Variants in ZNF718 observed in about 807,000 individuals in gnomAD.
ZNF718 encodes zinc finger protein 718.
In ZNF718, 3 loss-of-function variants were observed where a neutral mutation model predicts 2.6. The ratio of observed to expected loss-of-function variants is 1.16; its 90% CI spans 0.53 to 3.01. ZNF718 has a LOEUF of 3.01. Ranked by LOEUF, ZNF718 falls within the 30% of genes most tolerant of loss-of-function variation. The pLI is 0.03. For missense variants in ZNF718, 468 were observed against 230.0 expected, an observed-to-expected ratio of 2.03 and a Z score of -6.69; for synonymous variants, 135 against 77.9, an observed-to-expected ratio of 1.73 and a Z score of -3.86.
chr4:150,061 C>T lies in ZNF718; in HGVS notation c.227-10851C>T, dbSNP rs377040910. 7.9e-5 allele frequency: 12 copies of T among 152,040 alleles called. No homozygotes were observed. The East Asian group carries it at 9.6e-4, about 12-fold the overall frequency. The allele number at this position is 152,040 out of a possible 1,614,324, so 9.4% of individuals were successfully genotyped here. A position where few individuals can be genotyped will look rare whatever the true frequency, so the allele number is the denominator to read the frequency against. Reference sequence around the variant, plus strand: ...CTCCTGAAGAACACCATTTGACTTACTGTTTTTATAATTTTGACTAATTTT... The same window carrying T: ...CTCCTGAAGAACACCATTTGACTTATTGTTTTTATAATTTTGACTAATTTT... On this transcript the variant is annotated intron_variant, in intron 3 of 3. Transcript: ENST00000510175.
chr4:180,119 G>A (rs1717434739), intron 3 of ZNF718, among the ~76,000 whole-genome samples: 1 of 152,152 alleles, frequency 6.6e-6, no homozygotes, highest in Admixed American at 6.5e-5. Flanking sequence ...GCTATACAAG[G>A]CCCAAGCCAG....
chr4:147,616 C>G (rs1292549815), intron 3 of ZNF718, among the ~76,000 whole-genome samples: 1 of 152,162 alleles, frequency 6.6e-6, no homozygotes, highest in African/African-American at 2.4e-5. Context: ...AAAATCCCAG[C>G]ACTTTGGGAG....
chr4:192,186 C>T lies in ZNF718; in HGVS notation c.227-8895C>T, dbSNP rs534276001. Among the ~76,000 whole-genome samples the T allele has an allele frequency of 1.3e-4, 20 of 152,128 alleles. No individual in the cohort carries two copies. In the South Asian group the frequency reaches 3.5e-3, roughly 27 times the overall value. On this transcript the variant is annotated intron_variant and NMD_transcript_variant, in intron 3 of 4. Coordinates refer to the ZNF718 transcript ENST00000642529. ...GTGGATGGCAAGCGATAGCTCAGCT[C>T]GAGCCGGAACAAACGCAGACCAGAA...
intron 3 of ZNF718, among the ~76,000 whole-genome samples, chr4:176,283 A>C (rs782240115): frequency 3.9e-5 from 6 of 152,126 alleles, no homozygotes; most frequent in Admixed American, 6.5e-5. Context: ...ACTTAGTTTC[A>C]CTTACCATTG....
At chr4:174,137 T>C (rs1717301375) in intron 3 of ZNF718, among the ~76,000 whole-genome samples, 1 of 152,138 alleles carries the variant, frequency 6.6e-6, no homozygotes, top group African/African-American at 2.4e-5. Flanking sequence ...TGCCCTAGGG[T>C]AAGGACAGCT....
In ZNF718 at chr4:184,192, A is replaced by G. The variant is rs563367123; in HGVS notation, c.227-16889A>G. Among the ~76,000 whole-genome samples the G allele has an allele frequency of 7.2e-5, 11 of 152,190 alleles. No individual in the cohort carries two copies. The East Asian group carries it at 2.1e-3, about 29-fold the overall frequency. On this transcript the variant is annotated intron_variant and NMD_transcript_variant, in intron 3 of 4. Coordinates refer to the ZNF718 transcript ENST00000642529. ...TTTGAGGTACATTCCTTCAATACTT[A>G]GTTTATTGAGAGTTTTTAACATGAA...
At chr4:155,879 C>T (rs1716546170) in intron 3 of ZNF718, among the ~76,000 whole-genome samples, 2 of 152,132 alleles carry the variant, frequency 1.3e-5, no homozygotes, top group African/African-American at 4.8e-5. Flanking sequence ...TTATAGCTCC[C>T]ATAATTCCCA....
chr4:181,868 A>C (rs1166491814), intron 3 of ZNF718, among the ~76,000 whole-genome samples: 1 of 152,062 alleles, frequency 6.6e-6, no homozygotes, highest in Non-Finnish European at 1.5e-5. Flanking sequence ...CCATGTGTAC[A>C]TGTGTTCTCA....
At chr4:187,384 G>A (rs1379971775) in intron 3 of ZNF718, among the ~76,000 whole-genome samples, 4 of 151,832 alleles carry the variant, frequency 2.6e-5, no homozygotes, top group South Asian at 2.1e-4. Context: ...GCACCACCAC[G>A]CCCAGCTAAT....
chr4:146,961 GTTTTTA>G (rs1553811498), intron 3 of ZNF718, among the ~76,000 whole-genome samples: 1 of 151,942 alleles, frequency 6.6e-6, no homozygotes, highest in Non-Finnish European at 1.5e-5. Context: ...ATCTTACTGA[GTTTTTA>G]TTTTTATTTT....
rs1716798691 is a variant in ZNF718 at position 160,974 on chromosome 4, A to C, written c.289A>C (p.Lys97Gln). ...GCAGGGCATAGAAGATTCATTCCAC[A>C]AACTTATACCAAAAGGACATGAGAA... ...TVQGIEDSFH[K>Q]LIPKGHEKRG... Residue 97 changes from lysine to glutamine, a missense_variant, in exon 4 of 4, where the codon AAA becomes CAA. Physicochemically the swap from Lys to Gln is moderately conservative, Grantham distance 53 (BLOSUM62 1). Coordinates refer to ENST00000510175, the MANE Select transcript of ZNF718 (RefSeq NM_001039127.6). 3 of 780,884 alleles carry C rather than the reference A, an allele frequency of 3.8e-6. No individual in the cohort carries two copies. The highest frequency in any genetic ancestry group is 7.2e-6 in the Non-Finnish European group (3 of 418,108). The allele number at this position is 780,884 out of a possible 1,614,324, so 48.4% of individuals were successfully genotyped here.
intron 3 of ZNF718, among the ~76,000 whole-genome samples, chr4:191,763 G>A (rs74497208): frequency 0.043 from 6,526 of 152,176 alleles, 359 homozygotes; most frequent in African/African-American, 0.13. Context: ...CATCAACAGC[G>A]TTACGGGTGG....
chr4:180,467 C>G (rs552162419), intron 3 of ZNF718, among the ~76,000 whole-genome samples: 66 of 152,300 alleles, frequency 4.3e-4, no homozygotes, highest in African/African-American at 1.5e-3. Flanking sequence ...AAGAAAAACT[C>G]TCGGTCGGGT....
chr4:198,110 G>A (rs1560134896), intron 3 of ZNF718, among the ~76,000 whole-genome samples: 1 of 152,128 alleles, frequency 6.6e-6, no homozygotes, highest in South Asian at 2.1e-4. Flanking sequence ...ATGTCCCCAG[G>A]CACCATGACA....
intron 3 of ZNF718, among the ~76,000 whole-genome samples, chr4:133,398 A>G (rs1237941674): frequency 2.0e-5 from 3 of 152,010 alleles, no homozygotes; most frequent in African/African-American, 4.8e-5. Context: ...ACTGTCATCA[A>G]CCAGCTTAGA....
At chr4:188,270 C>T (rs1717609513) in intron 3 of ZNF718, among the ~76,000 whole-genome samples, 1 of 152,188 alleles carries the variant, frequency 6.6e-6, no homozygotes, top group South Asian at 2.1e-4. Flanking sequence ...TTTGAAGAAG[C>T]AGCCTGGCCA....
At chr4:153,555 TCA>T (rs1374150731) in intron 3 of ZNF718, among the ~76,000 whole-genome samples, 1 of 147,174 alleles carries the variant, frequency 6.8e-6, no homozygotes, top group East Asian at 2.0e-4. Flanking sequence ...TAAAAATCTT[TCA>T]GTTTTTCATA....
At chr4:137,156 G>C (rs1170576753) in intron 3 of ZNF718, among the ~76,000 whole-genome samples, 5 of 151,988 alleles carry the variant, frequency 3.3e-5, no homozygotes, top group African/African-American at 1.2e-4. Context: ...ACCATAATTG[G>C]AAGCTTTTTG....
chr4:178,140 C>CT (rs1553819334), intron 3 of ZNF718, among the ~76,000 whole-genome samples: 2 of 142,188 alleles, frequency 1.4e-5, no homozygotes, highest in Admixed American at 1.5e-4. Flanking sequence ...ATGATAATTT[C>CT]ATTTTTTTTT....
Sources: gnomAD v4.1 joint callset for allele counts (sites outside exome capture counted in the v4.1 genomes callset) on GRCh38, gnomAD v4.1.1 for gene constraint, MANE v1.5 for transcripts, NCBI Gene and HGNC (gene_info 2026-07-23, HGNC 2026-07-21) for gene names.